ZYG11B: variants seen among roughly 807,000 people sequenced by gnomAD.
ZYG11B encodes the protein protein zyg-11 homolog B.
Under a neutral mutation model 82.4 loss-of-function variants are expected in ZYG11B, and 36 were observed. That is an observed-to-expected ratio of 0.44 (90% CI 0.33 to 0.58). The LOEUF (loss-of-function observed/expected upper bound fraction) is 0.58, where lower values mean the gene tolerates loss of function less well. ZYG11B is among the 20% of genes least tolerant of loss of function. The pLI is 0.02. For synonymous variants in ZYG11B, 303 were observed against 312.8 expected, an observed-to-expected ratio of 0.97 and a Z score of 0.33; for missense variants, 552 against 895.6, an observed-to-expected ratio of 0.62 and a Z score of 4.90.
Position 52,805,601 on chromosome 1 carries a change from G to T in ZYG11B, c.1695+3462G>T, listed in dbSNP as rs1645135437. The T allele has an allele frequency of 1.2e-5, 5 of 425,882 alleles. No individual in the cohort carries two copies. In the East Asian group the frequency reaches 3.5e-4, roughly 30 times the overall value. 26.4% of individuals were successfully genotyped at this position (425,882 alleles called of 1,614,324 possible). On this transcript the variant is annotated intron_variant, in intron 10 of 13. Transcript: ENST00000294353. ...AATCCCAGCACTTTGGGAGGCTGAG[G>T]TGGGTGGATCACGTGCGGTCAGGAG... is the stretch of plus-strand genomic sequence containing the variant.
intron 6 of ZYG11B, among the ~76,000 whole-genome samples, chr1:52,791,652 A>G (rs1644961185): frequency 6.6e-6 from 1 of 152,334 alleles, no homozygotes; most frequent in Admixed American, 6.5e-5. Flanking sequence ...TACAGGCATG[A>G]GCCACTGCGC....
chr1:52,765,922 A>G (rs1338471448), intron 2 of ZYG11B, among the ~76,000 whole-genome samples: 1 of 152,028 alleles, frequency 6.6e-6, no homozygotes, highest in Admixed American at 6.6e-5. Flanking sequence ...TGTTCTTGTT[A>G]TTTAAATTAG....
At chr1:52,797,010 A>ATTATATATAAATTTATATATATAAATT (rs1558137383) in intron 8 of ZYG11B, among the ~76,000 whole-genome samples, 8 of 70,860 alleles carry the variant, frequency 1.1e-4, no homozygotes, top group Admixed American at 8.0e-4. Flanking sequence ...TATATTATAT[A>ATTATATATAAATTTATATATATAAATT]TTTATATATT....
At chr1:52,759,309 C>G (rs891872068) in intron 2 of ZYG11B, among the ~76,000 whole-genome samples, 2 of 152,128 alleles carry the variant, frequency 1.3e-5, no homozygotes, top group Non-Finnish European at 2.9e-5. Context: ...CTTAACTTTG[C>G]CAGATTGGGT....
chr1:52,792,400 A>G (rs375131742), intron 6 of ZYG11B, among the ~76,000 whole-genome samples: 10 of 152,322 alleles, frequency 6.6e-5, no homozygotes, highest in South Asian at 4.1e-4. Context: ...AAAAACTAGC[A>G]TGTATGAAGC....
At chr1:52,727,370 A>G (rs537881387) in intron 1 of ZYG11B, among the ~76,000 whole-genome samples, 5 of 152,200 alleles carry the variant, frequency 3.3e-5, no homozygotes, top group East Asian at 1.9e-4. Flanking sequence ...CTGGAAGCCT[A>G]TTCACCTAGT....
At chr1:52,821,247 A>G (rs1645280516) in intron 13 of ZYG11B, among the ~76,000 whole-genome samples, 192 bp from the exon 14 acceptor site, 1 of 152,020 alleles carries the variant, frequency 6.6e-6, no homozygotes. Context: ...TATTGATTGA[A>G]TGTGTAGGCC....
chr1:52,751,091 C>T (rs938513344), intron 1 of ZYG11B, among the ~76,000 whole-genome samples: 1 of 152,012 alleles, frequency 6.6e-6, no homozygotes, highest in African/African-American at 2.4e-5. Context: ...CTGTAACCTC[C>T]CACTTCAGCT....
chr1:52,803,959 A>G (rs7519572), intron 10 of ZYG11B, among the ~76,000 whole-genome samples: 5,657 of 151,870 alleles, frequency 0.037, 325 homozygotes, highest in African/African-American at 0.13. Flanking sequence ...ATGTTATCAG[A>G]CTGGACACAG....
intron 1 of ZYG11B, among the ~76,000 whole-genome samples, chr1:52,749,069 G>A (rs1644500298): frequency 2.0e-5 from 3 of 151,396 alleles, no homozygotes; most frequent in Admixed American, 2.0e-4. Flanking sequence ...TAAGTGTGGT[G>A]CCGCGTGCCT....
chr1:52,730,751 G>A (rs1415984735), intron 1 of ZYG11B, among the ~76,000 whole-genome samples: 1 of 151,912 alleles, frequency 6.6e-6, no homozygotes, highest in African/African-American at 2.4e-5. Context: ...AGCCTGAGGT[G>A]GGAGGCTCAC....
chr1:52,797,485 A>C (rs1645035483), intron 8 of ZYG11B, among the ~76,000 whole-genome samples: 1 of 105,792 alleles, frequency 9.5e-6, no homozygotes, highest in South Asian at 3.0e-4. Flanking sequence ...TATGATATAT[A>C]ATATGTATAA....
At chr1:52,743,988 A>G (rs1644455877) in intron 1 of ZYG11B, among the ~76,000 whole-genome samples, 1 of 151,520 alleles carries the variant, frequency 6.6e-6, no homozygotes, top group African/African-American at 2.4e-5. Context: ...ACTGGAGTGC[A>G]GTGGCACAAT....
chr1:52,795,064 GT>G (rs768512331), intron 6 of ZYG11B, among the ~76,000 whole-genome samples: 8 of 152,070 alleles, frequency 5.3e-5, no homozygotes, highest in Non-Finnish European at 1.2e-4. Context: ...TAATGATATG[GT>G]TTGGCCCTGT....
intron 2 of ZYG11B, among the ~76,000 whole-genome samples, chr1:52,759,322 T>C (rs571482639): frequency 6.6e-6 from 1 of 152,348 alleles, no homozygotes; most frequent in East Asian, 1.9e-4. Context: ...GATTGGGTTA[T>C]CCTTTGGAAA....
chr1:52,750,768 C>A (rs1171707135), intron 1 of ZYG11B, among the ~76,000 whole-genome samples: 1 of 152,164 alleles, frequency 6.6e-6, no homozygotes, highest in East Asian at 1.9e-4. Flanking sequence ...CCATTTTCTT[C>A]TAACCCACCT....
At chr1:52,770,092 A>ATATT (rs1553259758) in intron 2 of ZYG11B, among the ~76,000 whole-genome samples, 192 of 94,420 alleles carry the variant, frequency 2.0e-3, no homozygotes, top group East Asian at 4.7e-3. Context: ...ATATATATAT[A>ATATT]TTTTTTTTTT....
intron 13 of ZYG11B, 69 bp downstream of exon 13, chr1:52,816,698 T>A: frequency 8.3e-7 from 1 of 1,210,852 alleles, no homozygotes; most frequent in Non-Finnish European, 1.2e-6. Flanking sequence ...AGGAAAGATA[T>A]TTCTAAATTG....
In ZYG11B at chr1:52,771,837, A is replaced by G. The variant is rs978621089; in HGVS notation, c.951+63A>G. On this transcript the variant is annotated intron_variant, in intron 3 of 13. Coordinates refer to ENST00000294353, the MANE Select transcript of ZYG11B (RefSeq NM_024646.3). The surrounding 1 kb of genome is among the most constrained non-coding windows in gnomAD (Gnocchi z 5.4). ...CAATATCTTAGTTGCATAAGACTCT[A>G]TTAAAGATGAATGTCTGTAATATAT... is the stretch of plus-strand genomic sequence containing the variant. 8 of 1,517,874 alleles carry G rather than the reference A, an allele frequency of 5.3e-6. No individual in the cohort carries two copies. The highest frequency in any genetic ancestry group is 1.4e-5 in the African/African-American group (1 of 71,922). The allele number at this position is 1,517,874 out of a possible 1,614,324, so 94.0% of individuals were successfully genotyped here. A position where few individuals can be genotyped will look rare whatever the true frequency, so the allele number is the denominator to read the frequency against.
Sources: allele counts gnomAD v4.1 joint callset (sites outside exome capture counted in the v4.1 genomes callset), GRCh38; gene constraint gnomAD v4.1.1; non-coding constraint Gnocchi (gnomAD v3.1); transcripts MANE v1.5; gene names NCBI Gene and HGNC (gene_info 2026-07-23, HGNC 2026-07-21).